The following FBXL17 variants were observed in gnomAD, a reference collection of about 807,000 sequenced individuals.
FBXL17 encodes F-box and leucine rich repeat protein 17, also known as F-box/LRR-repeat protein 17.
Under a neutral mutation model 66.2 loss-of-function variants are expected in FBXL17, and 22 were observed. The ratio of observed to expected loss-of-function variants is 0.33; its 90% confidence interval spans 0.24 to 0.47. FBXL17 has a LOEUF of 0.47. FBXL17 is among the 20% of genes least tolerant of loss of function. The pLI, the probability that FBXL17 is intolerant of heterozygous loss-of-function variation, is 1.00. For synonymous variants in FBXL17, 474 were observed against 400.5 expected (o/e 1.18, Z -2.19); for missense variants, 878 against 948.2 (o/e 0.93, Z 0.97).
At chr5:108,350,719 G>A (rs1450374350) in intron 3 of FBXL17, among the ~76,000 whole-genome samples, 1 of 152,160 alleles carries the variant, frequency 6.6e-6, no homozygotes, top group African/African-American at 2.4e-5. Flanking sequence ...CCAGAATTCT[G>A]TACTCGGGAT....
intron 1 of FBXL17, among the ~76,000 whole-genome samples, chr5:108,373,809 A>T (rs1302956178): frequency 6.6e-6 from 1 of 152,028 alleles, no homozygotes; most frequent in African/African-American, 2.4e-5. Flanking sequence ...TCTCAGCTAC[A>T]TGGGAGGCTG....
At chr5:107,934,183 T>C in intron 7 of FBXL17, among the ~76,000 whole-genome samples, 1 of 152,190 alleles carries the variant, frequency 6.6e-6, no homozygotes, top group East Asian at 1.9e-4. Context: ...GGAAAGAAAT[T>C]ATTTTCATTG....
chr5:108,044,375 C>A (rs896050366), intron 6 of FBXL17, among the ~76,000 whole-genome samples: 4 of 152,212 alleles, frequency 2.6e-5, no homozygotes, highest in Middle Eastern at 3.4e-3. Context: ...TGTCTTTCTG[C>A]AAGTAATTTT....
At chr5:107,870,614 G>C (rs1748414595) in intron 8 of FBXL17, among the ~76,000 whole-genome samples, 1 of 150,632 alleles carries the variant, frequency 6.6e-6, no homozygotes, top group Non-Finnish European at 1.5e-5. Flanking sequence ...TTGAGATGGA[G>C]TCTTGCTGTC....
At chr5:108,144,366 TA>T (rs1751477677) in intron 6 of FBXL17, among the ~76,000 whole-genome samples, 1 of 152,154 alleles carries the variant, frequency 6.6e-6, no homozygotes, top group Non-Finnish European at 1.5e-5. Flanking sequence ...TGGACCAAAA[TA>T]AATACACTGG....
intron 7 of FBXL17, among the ~76,000 whole-genome samples, chr5:107,983,294 T>G (rs761413415): frequency 1.3e-5 from 2 of 152,062 alleles, no homozygotes; most frequent in Non-Finnish European, 2.9e-5. Flanking sequence ...CAAGCTCAAG[T>G]GATCTTCCTG....
intron 4 of FBXL17, among the ~76,000 whole-genome samples, chr5:108,239,921 C>G (rs1561482946): frequency 6.6e-6 from 1 of 151,998 alleles, no homozygotes; most frequent in Non-Finnish European, 1.5e-5. Context: ...ATTCCAGGAC[C>G]TAGATCCTGG....
At chr5:108,134,564 T>A (rs867940453) in intron 6 of FBXL17, among the ~76,000 whole-genome samples, 1 of 152,312 alleles carries the variant, frequency 6.6e-6, no homozygotes, top group African/African-American at 2.4e-5. Flanking sequence ...AACAGAGTTC[T>A]CTTTCCAAAA....
At chr5:108,274,718 T>C (rs1261173100) in intron 4 of FBXL17, among the ~76,000 whole-genome samples, 2 of 152,186 alleles carry the variant, frequency 1.3e-5, no homozygotes, top group Admixed American at 1.3e-4. Flanking sequence ...GGCATAAGTA[T>C]AAAAGTATTA....
intron 4 of FBXL17, among the ~76,000 whole-genome samples, chr5:108,343,820 T>A (rs139818579): frequency 9.5e-4 from 145 of 152,236 alleles, no homozygotes; most frequent in African/African-American, 3.4e-3. Flanking sequence ...CTAGGTGATA[T>A]TAGACATTGA....
At chr5:108,024,637 C>T (rs1754724977) in intron 6 of FBXL17, among the ~76,000 whole-genome samples, 1 of 152,020 alleles carries the variant, frequency 6.6e-6, no homozygotes, top group East Asian at 1.9e-4. Context: ...TCTTGAGTAA[C>T]AGCTGTTGAG....
chr5:108,206,596 A>G (rs1754128464), intron 5 of FBXL17, among the ~76,000 whole-genome samples: 1 of 151,902 alleles, frequency 6.6e-6, no homozygotes, highest in Non-Finnish European at 1.5e-5. Context: ...AATCATTTGC[A>G]TTTCTTAGAA....
intron 7 of FBXL17, among the ~76,000 whole-genome samples, chr5:108,007,292 T>G (rs758043046): frequency 6.6e-6 from 1 of 152,104 alleles, no homozygotes; most frequent in African/African-American, 2.4e-5. Flanking sequence ...AGTCAATCAG[T>G]GGACTGAACA....
chr5:108,207,970 G>C (rs1344129402), intron 5 of FBXL17, among the ~76,000 whole-genome samples: 2 of 152,120 alleles, frequency 1.3e-5, no homozygotes, highest in Non-Finnish European at 2.9e-5. Flanking sequence ...ATCCTCTCTA[G>C]CATCTGTTGT....
At chr5:107,921,593 A>T (rs1750322403) in intron 7 of FBXL17, among the ~76,000 whole-genome samples, 2 of 152,182 alleles carry the variant, frequency 1.3e-5, no homozygotes. Flanking sequence ...TTTCTTACTT[A>T]CTGTTAAACC....
chr5:108,253,866 G>T (rs1428888674), intron 4 of FBXL17, among the ~76,000 whole-genome samples: 1 of 152,032 alleles, frequency 6.6e-6, no homozygotes, highest in Non-Finnish European at 1.5e-5. Flanking sequence ...GGTGGTGGGT[G>T]CCTGCAAACC....
intron 4 of FBXL17, among the ~76,000 whole-genome samples, chr5:108,336,139 C>T (rs1760371275): frequency 1.3e-5 from 2 of 151,890 alleles, no homozygotes; most frequent in South Asian, 2.1e-4. Context: ...AAAAAATATA[C>T]GGGAAGAATT....
At chr5:108,277,327 A>G (rs1757522954) in intron 4 of FBXL17, among the ~76,000 whole-genome samples, 1 of 152,176 alleles carries the variant, frequency 6.6e-6, no homozygotes, top group African/African-American at 2.4e-5. Context: ...TTTTAAAATG[A>G]GAGTGTATTG....
intron 6 of FBXL17, among the ~76,000 whole-genome samples, chr5:108,076,273 C>T (rs1415404412): frequency 6.6e-6 from 1 of 152,206 alleles, no homozygotes; most frequent in Admixed American, 6.5e-5. Context: ...CAGGCCCTAT[C>T]TTCCCTGGCT....
Sources: gnomAD v4.1 joint callset for allele counts (sites outside exome capture counted in the v4.1 genomes callset) on GRCh38, gnomAD v4.1.1 for gene constraint, MANE v1.5 for transcripts, NCBI Gene and HGNC (gene_info 2026-07-23, HGNC 2026-07-21) for gene names.